Variants in KCNN2 observed in about 807,000 individuals in gnomAD.
KCNN2 encodes the protein small conductance calcium-activated potassium channel protein 2.
In KCNN2, 24 loss-of-function variants were observed where a neutral mutation model predicts 55.5. The observed-to-expected ratio is 0.43, with a 90% CI of 0.31 to 0.61. The LOEUF (loss-of-function observed/expected upper bound fraction) is 0.61, where lower values mean the gene tolerates loss of function less well. KCNN2 is among the 20% of genes least tolerant of loss of function. The pLI is 0.08. For missense variants in KCNN2, 754 were observed against 853.6 expected (o/e 0.88, Z 1.45); for synonymous variants, 431 against 336.1 (o/e 1.28, Z -3.09).
chr5:114,126,618 A>C (rs1454872435), intron 1 of KCNN2, among the ~76,000 whole-genome samples: 1 of 152,102 alleles, frequency 6.6e-6, no homozygotes, highest in South Asian at 2.1e-4. Flanking sequence ...CAGCCAAACC[A>C]TATCATTCTA....
chr5:114,374,396 C>A (rs1757873627), intron 2 of KCNN2, among the ~76,000 whole-genome samples: 1 of 152,160 alleles, frequency 6.6e-6, no homozygotes, highest in African/African-American at 2.4e-5. Context: ...TGTCTGTATT[C>A]TTTGTAGGTC....
intron 2 of KCNN2, among the ~76,000 whole-genome samples, chr5:114,287,984 A>G (rs1380639437): frequency 1.3e-5 from 2 of 152,322 alleles, no homozygotes; most frequent in East Asian, 3.9e-4. Flanking sequence ...TCATACTATC[A>G]ATACATAAAT....
At chr5:114,463,600 T>C (rs548583653) in intron 4 of KCNN2, among the ~76,000 whole-genome samples, 2 of 152,292 alleles carry the variant, frequency 1.3e-5, no homozygotes, top group South Asian at 2.1e-4. Flanking sequence ...AATTATAATA[T>C]TTATTTTTCT....
chr5:114,147,561 C>G (rs1433499848), intron 1 of KCNN2, among the ~76,000 whole-genome samples: 1 of 152,106 alleles, frequency 6.6e-6, no homozygotes, highest in Non-Finnish European at 1.5e-5. Context: ...TTTGTAAAGG[C>G]AAATTTGGGT....
chr5:114,090,389 G>A (rs1751113271), intron 1 of KCNN2, among the ~76,000 whole-genome samples: 1 of 152,104 alleles, frequency 6.6e-6, no homozygotes, highest in African/African-American at 2.4e-5. Context: ...AGGAGGAAAA[G>A]TGGTTTATTT....
At chr5:114,420,712 TAAG>T (rs1759448161) in intron 3 of KCNN2, among the ~76,000 whole-genome samples, 1 of 152,204 alleles carries the variant, frequency 6.6e-6, no homozygotes, top group South Asian at 2.1e-4. Flanking sequence ...TACTTTAAAT[TAAG>T]AAAGCATTCA....
intron 1 of KCNN2, among the ~76,000 whole-genome samples, chr5:114,159,596 A>T (rs1036926322): frequency 6.6e-6 from 1 of 152,004 alleles, no homozygotes; most frequent in Admixed American, 6.6e-5. Flanking sequence ...TCCTCCTTGT[A>T]CCTCTGGTAG....
At chr5:114,264,235 T>C (rs1445352469) in intron 2 of KCNN2, among the ~76,000 whole-genome samples, 2 of 152,184 alleles carry the variant, frequency 1.3e-5, no homozygotes, top group Non-Finnish European at 2.9e-5. Context: ...ATACATGAGA[T>C]GTGATCATTA....
intron 1 of KCNN2, among the ~76,000 whole-genome samples, chr5:114,101,768 C>A (rs1354969918): frequency 6.6e-6 from 1 of 152,074 alleles, no homozygotes; most frequent in East Asian, 1.9e-4. Flanking sequence ...ATGAACTCAT[C>A]CTTTTTATGG....
intron 2 of KCNN2, among the ~76,000 whole-genome samples, chr5:114,277,319 G>A (rs774744829): frequency 1.3e-5 from 2 of 151,956 alleles, no homozygotes; most frequent in South Asian, 2.1e-4. Flanking sequence ...TGTGTCTTGG[G>A]GTTTCTCTTC....
At chr5:114,358,093 GTCTTCCT>G (rs1197820165), upstream of KCNN2, among the ~76,000 whole-genome samples, 1 of 150,590 alleles carries the variant, frequency 6.6e-6, no homozygotes, top group African/African-American at 2.4e-5. Flanking sequence ...CTGCATAAAT[GTCTTCCT>G]TTATGCAGCC....
intron 4 of KCNN2, among the ~76,000 whole-genome samples, chr5:114,467,878 C>T (rs1761529433): frequency 6.6e-6 from 1 of 152,194 alleles, no homozygotes; most frequent in South Asian, 2.1e-4. Flanking sequence ...TGCACTCACA[C>T]TGGCACTGTT....
intron 2 of KCNN2, among the ~76,000 whole-genome samples, chr5:114,258,038 T>C (rs1247671484): frequency 1.3e-5 from 2 of 152,150 alleles, no homozygotes; most frequent in East Asian, 3.8e-4. Context: ...TTGTTGAGGG[T>C]TTTTTAATCA....
At chr5:114,348,765 G>A (rs1458539303) in intron 2 of KCNN2, among the ~76,000 whole-genome samples, 4 of 151,986 alleles carry the variant, frequency 2.6e-5, no homozygotes, top group East Asian at 3.9e-4. Flanking sequence ...ATGCCACCTC[G>A]GAAAACTGTT....
rs575262160 is a variant in KCNN2 at position 114,214,149 on chromosome 5, A to G, written c.-270-7331A>G. ...TTCCTTAAAAGGGTAATTAGTAAAT[A>G]GTTTCATATGCCATAGCTTCATATG... On this transcript the variant is annotated intron_variant, in intron 1 of 10. Transcript: ENST00000512097. 3.1e-3 allele frequency among the ~76,000 whole-genome samples: 479 copies of G among 152,106 alleles called. 3 individuals carry two copies. Among genetic ancestry groups the G allele is most frequent in the Non-Finnish European group, 4.8e-3 (324 of 67,948 alleles).
intron 3 of KCNN2, among the ~76,000 whole-genome samples, chr5:114,415,512 C>A (rs375187832): frequency 6.6e-6 from 1 of 151,990 alleles, no homozygotes; most frequent in Non-Finnish European, 1.5e-5. Flanking sequence ...ATGTGTATGT[C>A]TTAATGTGTG....
At chr5:114,176,829 A>AT (rs1753139617) in intron 1 of KCNN2, among the ~76,000 whole-genome samples, 1 of 152,140 alleles carries the variant, frequency 6.6e-6, no homozygotes, top group East Asian at 1.9e-4. Context: ...TTGGAGATTT[A>AT]TTTTTTCACC....
chr5:114,079,842 T>C (rs975730763), intron 1 of KCNN2, among the ~76,000 whole-genome samples: 5 of 144,750 alleles, frequency 3.5e-5, no homozygotes, highest in African/African-American at 1.3e-4. Flanking sequence ...TGTGTGTGTG[T>C]GTGAGAGAGA....
intron 1 of KCNN2, among the ~76,000 whole-genome samples, chr5:114,213,094 A>G (rs1048624244): frequency 6.6e-6 from 1 of 152,008 alleles, no homozygotes; most frequent in Non-Finnish European, 1.5e-5. Flanking sequence ...TGGAAAATTG[A>G]TCAAAGTTTT....
Sources: allele counts gnomAD v4.1 joint callset (sites outside exome capture counted in the v4.1 genomes callset), GRCh38; gene constraint gnomAD v4.1.1; transcripts MANE v1.5; gene names NCBI Gene and HGNC (gene_info 2026-07-23, HGNC 2026-07-21).